The following PXDNL variants were observed in gnomAD, a reference collection of about 807,000 sequenced individuals.
The protein encoded by PXDNL is peroxidasin like, also known as probable oxidoreductase PXDNL.
In PXDNL, 145 loss-of-function variants were observed where a neutral mutation model predicts 150.8. That is an observed-to-expected ratio of 0.96 (90% CI 0.84 to 1.10). PXDNL has a LOEUF of 1.10. PXDNL is among the 50% of genes least tolerant of loss of function. PXDNL has a pLI of 0.00. For missense variants in PXDNL, 2,087 were observed against 1,873.9 expected (o/e 1.11, Z -2.10); for synonymous variants, 757 against 725.7 (o/e 1.04, Z -0.69).
intron 1 of PXDNL, among the ~76,000 whole-genome samples, chr8:51,690,728 C>A (rs957106981): frequency 1.7e-4 from 25 of 151,492 alleles, no homozygotes; most frequent in Non-Finnish European, 3.7e-4. Flanking sequence ...AGTTCTAGAT[C>A]CCTGAGGAAT....
At chr8:51,737,709 G>C (rs1486845563) in intron 1 of PXDNL, among the ~76,000 whole-genome samples, 1 of 152,196 alleles carries the variant, frequency 6.6e-6, no homozygotes, top group Non-Finnish European at 1.5e-5. Context: ...ATGTCTGAAA[G>C]ATGTTCACAT....
At chr8:51,330,492 T>C (rs1035268786) in intron 21 of PXDNL, among the ~76,000 whole-genome samples, 1 of 152,176 alleles carries the variant, frequency 6.6e-6, no homozygotes. Flanking sequence ...GCTAGGGCTG[T>C]CATAACAAAA....
intron 21 of PXDNL, among the ~76,000 whole-genome samples, chr8:51,331,158 A>G (rs1805674227): frequency 2.0e-5 from 3 of 152,136 alleles, no homozygotes; most frequent in Non-Finnish European, 4.4e-5. Context: ...AAGTGCCCCA[A>G]CTGCAGAAGT....
intron 4 of PXDNL, among the ~76,000 whole-genome samples, chr8:51,523,546 C>T (rs1811703950): frequency 6.6e-6 from 1 of 152,116 alleles, no homozygotes; most frequent in African/African-American, 2.4e-5. Flanking sequence ...AGTGTATCAA[C>T]TGAAAAACAA....
intron 1 of PXDNL, among the ~76,000 whole-genome samples, chr8:51,714,974 C>G (rs761556383): frequency 1.6e-4 from 24 of 152,100 alleles, no homozygotes; most frequent in Non-Finnish European, 3.1e-4. Flanking sequence ...AAATGAAAAC[C>G]CTTCATGAGT....
chr8:51,474,914 C>T, intron 7 of PXDNL, 58 bp downstream of exon 7: 2 of 1,392,164 alleles, frequency 1.4e-6, no homozygotes, highest in Non-Finnish European at 1.9e-6. Flanking sequence ...TAAACCTTTA[C>T]AAAAAGAGAG....
chr8:51,571,015 T>C (rs1658065744), intron 3 of PXDNL, among the ~76,000 whole-genome samples: 2 of 151,704 alleles, frequency 1.3e-5, no homozygotes, highest in Non-Finnish European at 2.9e-5. Context: ...GTGTAATAAT[T>C]CACTAATTTC....
intron 2 of PXDNL, among the ~76,000 whole-genome samples, chr8:51,593,557 TG>T (rs572816473): frequency 8.8e-4 from 134 of 152,168 alleles, no homozygotes; most frequent in Non-Finnish European, 1.5e-3. Context: ...ATATTTGTTT[TG>T]TGGGGTTTTT....
intron 1 of PXDNL, among the ~76,000 whole-genome samples, chr8:51,689,088 C>T (rs901345177): frequency 6.6e-6 from 1 of 152,204 alleles, no homozygotes; most frequent in Non-Finnish European, 1.5e-5. Flanking sequence ...CTGGGGCTGC[C>T]TGTATGGGGC....
intron 6 of PXDNL, among the ~76,000 whole-genome samples, chr8:51,475,800 C>T (rs1364101970): frequency 2.6e-5 from 4 of 152,018 alleles, no homozygotes; most frequent in African/African-American, 9.7e-5. Flanking sequence ...ACCAGTAGTC[C>T]CCAGTGTCTA....
At chr8:51,732,325 C>T (rs567479366) in intron 1 of PXDNL, among the ~76,000 whole-genome samples, 6 of 152,192 alleles carry the variant, frequency 3.9e-5, no homozygotes, top group African/African-American at 1.4e-4. Flanking sequence ...GCAACGGTCA[C>T]CTTAATTCCA....
At chr8:51,594,359 T>C (rs1428519764) in intron 2 of PXDNL, among the ~76,000 whole-genome samples, 1 of 152,122 alleles carries the variant, frequency 6.6e-6, no homozygotes, top group Non-Finnish European at 1.5e-5. Flanking sequence ...GAGAGAGAAA[T>C]TGACTCATTT....
intron 19 of PXDNL, among the ~76,000 whole-genome samples, chr8:51,362,313 T>C (rs752169033): frequency 6.6e-6 from 1 of 152,216 alleles, no homozygotes; most frequent in Non-Finnish European, 1.5e-5. Flanking sequence ...GGCTCCATGC[T>C]GAACTCAGTA....
At position 51,654,859 on chromosome 8, in the gene PXDNL, C is replaced by T. The variant is rs1016281223; in HGVS notation, c.165-99G>A. The T allele has an allele frequency of 5.9e-6, 5 of 854,104 alleles. No homozygotes were observed. In the African/African-American group the frequency reaches 8.4e-5, roughly 14 times the overall value. The allele number at this position is 854,104 out of a possible 1,614,324, so 52.9% of individuals were successfully genotyped here. ...GGCTAAATCTCCTTTTATGATCAAA[C>T]ATACAGTACTAAAGGACTAAATATA... On this transcript the variant is annotated intron_variant, in intron 1 of 22. Coordinates refer to ENST00000356297, the MANE Select transcript of PXDNL (RefSeq NM_144651.5).
At chr8:51,693,313 T>C (rs986822802) in intron 1 of PXDNL, among the ~76,000 whole-genome samples, 5 of 152,210 alleles carry the variant, frequency 3.3e-5, no homozygotes, top group Non-Finnish European at 7.3e-5. Flanking sequence ...AAGCTCTAAA[T>C]CACTGCTACC....
chr8:51,509,621 C>T (rs1168261559), intron 4 of PXDNL, among the ~76,000 whole-genome samples: 1 of 151,824 alleles, frequency 6.6e-6, no homozygotes, highest in Non-Finnish European at 1.5e-5. Context: ...TCAAATGCCA[C>T]CCACTCAATG....
At chr8:51,644,334 A>ATATATATATATATATT (rs1814856722) in intron 2 of PXDNL, among the ~76,000 whole-genome samples, 1 of 51,922 alleles carries the variant, frequency 1.9e-5, no homozygotes, top group African/African-American at 4.4e-5. Flanking sequence ...ATATATATAT[A>ATATATATATATATATT]TATACACACA....
At chr8:51,761,607 T>A (rs535147865) in intron 1 of PXDNL, among the ~76,000 whole-genome samples, 63 of 152,326 alleles carry the variant, frequency 4.1e-4, no homozygotes, top group Non-Finnish European at 6.8e-4. Flanking sequence ...TTAATAGATT[T>A]GCTCATGTCA....
At chr8:51,418,757 C>T (rs1379275156) in intron 14 of PXDNL, among the ~76,000 whole-genome samples, 2 of 152,142 alleles carry the variant, frequency 1.3e-5, no homozygotes, top group Non-Finnish European at 2.9e-5. Flanking sequence ...CTAACGTAGC[C>T]TTAAATCTTC....
Sources: allele counts gnomAD v4.1 joint callset (sites outside exome capture counted in the v4.1 genomes callset), GRCh38; gene constraint gnomAD v4.1.1; transcripts MANE v1.5; gene names NCBI Gene and HGNC (gene_info 2026-07-23, HGNC 2026-07-21).